The following TP53BP2 variants were observed in gnomAD, a reference collection of about 807,000 sequenced individuals.
TP53BP2 encodes apoptosis-stimulating of p53 protein 2.
A neutral mutation model predicts 126.2 loss-of-function variants in TP53BP2; 62 were observed. The observed-to-expected ratio is 0.49, with a 90% CI of 0.40 to 0.61. The LOEUF (loss-of-function observed/expected upper bound fraction) is 0.61, where lower values mean the gene tolerates loss of function less well. Ranked by LOEUF, TP53BP2 falls within the 20% of genes least tolerant of loss-of-function variation. The probability of loss-of-function intolerance (pLI) is 0.00; values close to 1 mark genes in which losing one functional copy is unlikely to be tolerated. For synonymous variants in TP53BP2, 485 were observed against 502.9 expected (o/e 0.96, Z 0.48); for missense variants, 1,215 against 1,402.8 (o/e 0.87, Z 2.14).
intron 1 of TP53BP2, among the ~76,000 whole-genome samples, chr1:223,824,187 G>A (rs1198984194): frequency 6.6e-6 from 1 of 152,128 alleles, no homozygotes; most frequent in African/African-American, 2.4e-5. Flanking sequence ...GAAAATACTA[G>A]GAAATGCTCC....
At position 223,798,237 on chromosome 1, in the gene TP53BP2, G is replaced by A. The variant is rs1662399602; in HGVS notation, c.1926C>T (p.Thr642=). 2 of 1,613,860 alleles carry A rather than the reference G, an allele frequency of 1.2e-6. No individual in the cohort carries two copies. The highest frequency in any genetic ancestry group is 4.5e-5 in the East Asian group (2 of 44,872). Residue 642 remains threonine, a synonymous_variant, in exon 12 of 18, where the codon ACC becomes ACT. Coordinates refer to ENST00000343537, the MANE Select transcript of TP53BP2 (RefSeq NM_001031685.3). ...TACCACTTGAAAAGTGTGGCCCTCT[G>A]GTATGAGTCTTGGTCAACGCGCTCT... ...AVQSALTKTH[T]RGPHFSSVYG...
At chr1:223,802,619 T>C in intron 8 of TP53BP2, 112 bp downstream of exon 8, 1 of 1,315,718 alleles carries the variant, frequency 7.6e-7, no homozygotes, top group Non-Finnish European at 1.0e-6. Flanking sequence ...CAGCATCTGT[T>C]TTCTGAGGGC....
intron 2 of TP53BP2, among the ~76,000 whole-genome samples, chr1:223,820,398 C>T (rs1215091560): frequency 6.6e-6 from 1 of 152,156 alleles, no homozygotes; most frequent in African/African-American, 2.4e-5. Flanking sequence ...CAAAAGATCC[C>T]TTGGGCTTCT....
At chr1:223,793,684 A>T (rs1031295574) in intron 13 of TP53BP2, among the ~76,000 whole-genome samples, 1 of 152,222 alleles carries the variant, frequency 6.6e-6, no homozygotes, top group African/African-American at 2.4e-5. Flanking sequence ...ACTTTATAAA[A>T]TCTAACATAA....
At chr1:223,829,810 C>CT (rs894235722) in intron 1 of TP53BP2, among the ~76,000 whole-genome samples, 5 of 151,556 alleles carry the variant, frequency 3.3e-5, no homozygotes, top group African/African-American at 1.2e-4. Flanking sequence ...TCTGAAAAGG[C>CT]TCGTGACATC....
In TP53BP2 at chr1:223,802,702, CCAAAACCATTA is replaced by C; in HGVS notation, c.996+18_996+28del. The C allele has an allele frequency of 1.2e-6, 2 of 1,612,786 alleles. No homozygotes were observed. The highest frequency in any genetic ancestry group is 1.7e-6 in the Non-Finnish European group (2 of 1,179,332). On this transcript the variant is annotated intron_variant, in intron 8 of 17. Transcript: ENST00000343537. ...GGCTGGTCATCTTTTTCCCTCCTCC[CCAAAACCATTA>C]CAAAACGGCCCACTTACTGGTAGAT...
At chr1:223,807,382 T>C (rs143810160) in intron 4 of TP53BP2, among the ~76,000 whole-genome samples, 145 of 152,284 alleles carry the variant, frequency 9.5e-4, no homozygotes, top group African/African-American at 1.5e-3. Context: ...TCAAGACACA[T>C]TGAGTCATCA....
chr1:223,838,059 G>A (rs1482407656), intron 1 of TP53BP2, among the ~76,000 whole-genome samples: 2 of 152,050 alleles, frequency 1.3e-5, no homozygotes, highest in Non-Finnish European at 2.9e-5. Context: ...TGTCATTCAG[G>A]TCTCAGCTGA....
chr1:223,837,154 A>AAG (rs1558111819), intron 1 of TP53BP2, among the ~76,000 whole-genome samples: 1 of 69,730 alleles, frequency 1.4e-5, no homozygotes, highest in Non-Finnish European at 2.9e-5. Context: ...TTAAAAAAAA[A>AAG]AGGGGGGGGG....
chr1:223,833,871 G>C lies in TP53BP2; in HGVS notation c.27+11783C>G, dbSNP rs116725193. On this transcript the variant is annotated intron_variant, in intron 1 of 17. Transcript: ENST00000343537. ...TTAGGGCAGAGAAGAGAGGCTGGTA[G>C]CACACAAATGAGCATGGTATATAAA... Among the ~76,000 whole-genome samples the C allele has an allele frequency of 6.0e-3, 920 of 152,288 alleles. 9 individuals carry two copies. Among genetic ancestry groups the C allele is most frequent in the African/African-American group, 0.021 (874 of 41,562 alleles).
At chr1:223,804,404 T>C in intron 5 of TP53BP2, 56 bp from the exon 6 acceptor site, 1 of 1,514,310 alleles carries the variant, frequency 6.6e-7, no homozygotes, top group South Asian at 1.2e-5. Flanking sequence ...ACCACTAAGC[T>C]CAAAATAGCC....
At position 223,802,299 on chromosome 1, in the gene TP53BP2, T is replaced by C. The variant is rs532691361; in HGVS notation, c.1042A>G (p.Ser348Gly). Reference protein sequence around the residue: ...NLPQQAASAPSRVAAVGPYIQ... With the variant: ...NLPQQAASAPGRVAAVGPYIQ... ...TAGGGACCTACTGCAGCCACACGGC[T>C]TGGGGCTGACGCGGCTTGCTGGGGA... is the stretch of plus-strand genomic sequence containing the variant. Residue 348 changes from serine to glycine, a missense_variant, in exon 9 of 18, where the codon AGC becomes GGC. Ser to Gly is a moderately conservative substitution (Grantham distance 56, BLOSUM62 0). This residue lies in a region of TP53BP2 where 814 missense variants were observed against 853.0 expected (regional missense o/e 0.95). Coordinates refer to ENST00000343537, the MANE Select transcript of TP53BP2 (RefSeq NM_001031685.3). 3 of 1,614,214 alleles carry C rather than the reference T, an allele frequency of 1.9e-6. No individual in the cohort carries two copies. In the Admixed American group the frequency reaches 5.0e-5, roughly 27 times the overall value.
intron 2 of TP53BP2, 110 bp downstream of exon 2, chr1:223,821,110 T>A (rs531676769): frequency 1.8e-5 from 25 of 1,378,186 alleles, no homozygotes; most frequent in South Asian, 1.2e-4. Flanking sequence ...GACGTGCTAT[T>A]CTCCAGTTTC....
rs1558095176 is a variant in TP53BP2, at chr1:223,802,214, G to A, written c.1127C>T (p.Ala376Val). 9.3e-6 allele frequency: 15 copies of A among 1,614,170 alleles called. No homozygotes were observed. Among genetic ancestry groups the A allele is most frequent in the Non-Finnish European group, 1.3e-5 (15 of 1,180,020 alleles). Residue 376 changes from alanine to valine, a missense_variant, in exon 9 of 18, where the codon GCC becomes GTC. This residue lies in a region of TP53BP2 where 814 missense variants were observed against 853.0 expected (regional missense o/e 0.95). Transcript: ENST00000343537. ...PSRPELLVKPALPDGSLVIQA... is the reference protein window; with the variant it reads ...PSRPELLVKPVLPDGSLVIQA... ...AATGACCAAGGAACCATCCGGCAGGGCTGGCTTCACCAGCAATTCAGGCCT... is the reference window on the plus strand; with the variant it reads ...AATGACCAAGGAACCATCCGGCAGGACTGGCTTCACCAGCAATTCAGGCCT...
intron 1 of TP53BP2, among the ~76,000 whole-genome samples, chr1:223,825,402 G>A (rs1375034712): frequency 6.6e-6 from 1 of 152,164 alleles, no homozygotes; most frequent in Non-Finnish European, 1.5e-5. Flanking sequence ...AGACTCTCCT[G>A]AATCTGGACC....
At chr1:223,830,865 G>A (rs1031152754) in intron 1 of TP53BP2, among the ~76,000 whole-genome samples, 12 of 152,302 alleles carry the variant, frequency 7.9e-5, no homozygotes, top group African/African-American at 2.4e-4. Context: ...TTGGGAGGCC[G>A]AGGCAGGAGG....
intron 16 of TP53BP2, among the ~76,000 whole-genome samples, chr1:223,785,564 G>A (rs1661924087): frequency 6.6e-6 from 1 of 152,200 alleles, no homozygotes; most frequent in Non-Finnish European, 1.5e-5. Flanking sequence ...TCAAGTCCCA[G>A]TTTGCAATAA....
chr1:223,832,540 A>C (rs566694177), intron 1 of TP53BP2, among the ~76,000 whole-genome samples: 23 of 152,334 alleles, frequency 1.5e-4, no homozygotes, highest in African/African-American at 4.6e-4. Flanking sequence ...CCTATAACCC[A>C]GTCAAGCAAA....
intron 1 of TP53BP2, chr1:223,825,835 C>G (rs900044044): frequency 2.6e-5 from 4 of 152,220 alleles, no homozygotes; most frequent in Non-Finnish European, 4.4e-5. Flanking sequence ...CTGGCTCCTT[C>G]CCTCTCATGT....
Sources: allele counts gnomAD v4.1 joint callset (sites outside exome capture counted in the v4.1 genomes callset), GRCh38; gene constraint gnomAD v4.1.1; regional missense constraint gnomAD v4.1.1; transcripts MANE v1.5; gene names NCBI Gene and HGNC (gene_info 2026-07-23, HGNC 2026-07-21).